Variants in SAMTOR observed in about 807,000 individuals in gnomAD.
The protein encoded by SAMTOR is UPF0532 protein C7orf60.
At chr7:112,826,114 G>A in the SAMTOR span, among the ~76,000 whole-genome samples, 11 of 152,034 alleles carry the variant, frequency 7.2e-5, no homozygotes, top group East Asian at 2.1e-3. Flanking sequence ...ATATTCATAA[G>A]GGATATGGAT....
the SAMTOR span, among the ~76,000 whole-genome samples, chr7:112,922,662 G>A: frequency 3.9e-5 from 6 of 151,962 alleles, no homozygotes; most frequent in Non-Finnish European, 7.4e-5. Flanking sequence ...CATCTGGGAG[G>A]TGAGGAGCGT....
the SAMTOR span, among the ~76,000 whole-genome samples, chr7:112,841,059 C>A: frequency 2.6e-5 from 4 of 151,960 alleles, no homozygotes; most frequent in African/African-American, 9.6e-5. Flanking sequence ...TCCTATTCAA[C>A]AAAGTACTGG....
At chr7:112,901,033 A>G in the SAMTOR span, among the ~76,000 whole-genome samples, 3 of 152,340 alleles carry the variant, frequency 2.0e-5, no homozygotes, top group East Asian at 3.9e-4. Flanking sequence ...GAAAAAATTG[A>G]TAAGCTGAAC....
chr7:112,902,966 T>A, the SAMTOR span, among the ~76,000 whole-genome samples: 3 of 152,206 alleles, frequency 2.0e-5, no homozygotes, highest in African/African-American at 7.2e-5. Flanking sequence ...TAATCACAAA[T>A]AAACTACACA....
the SAMTOR span, among the ~76,000 whole-genome samples, chr7:112,823,728 T>A: frequency 6.6e-6 from 1 of 152,212 alleles, no homozygotes; most frequent in African/African-American, 2.4e-5. Context: ...TAGGTTTAAT[T>A]TTTAAATAAC....
the SAMTOR span, among the ~76,000 whole-genome samples, chr7:112,907,838 C>T: frequency 9.5e-3 from 1,135 of 118,980 alleles, 14 homozygotes; most frequent in African/African-American, 0.032. Flanking sequence ...GGTATTCTTA[C>T]TTACTTATTT....
the SAMTOR span, among the ~76,000 whole-genome samples, chr7:112,855,860 CG>C: frequency 6.6e-6 from 1 of 151,688 alleles, no homozygotes; most frequent in African/African-American, 2.4e-5. Flanking sequence ...ATTTTGGAAG[CG>C]GGGGCATCTT....
the SAMTOR span, among the ~76,000 whole-genome samples, chr7:112,843,371 C>T: frequency 6.6e-6 from 1 of 151,988 alleles, no homozygotes; most frequent in African/African-American, 2.4e-5. Context: ...ATAATGACTA[C>T]CACAATTTCT....
the SAMTOR span, among the ~76,000 whole-genome samples, chr7:112,840,898 A>T: frequency 6.6e-6 from 1 of 151,664 alleles, no homozygotes. Flanking sequence ...CATGCTAAAA[A>T]CTCTCAATAA....
chr7:112,932,639 C>T, the SAMTOR span, among the ~76,000 whole-genome samples: 1 of 152,170 alleles, frequency 6.6e-6, no homozygotes, highest in Non-Finnish European at 1.5e-5. Context: ...ATAAAACAGA[C>T]AAATGAACTG....
chr7:112,882,556 G>A, the SAMTOR span, among the ~76,000 whole-genome samples: 1 of 151,914 alleles, frequency 6.6e-6, no homozygotes, highest in Non-Finnish European at 1.5e-5. Flanking sequence ...GGGTGTGGTG[G>A]CACGTGCCTG....
At chr7:112,863,558 A>G in the SAMTOR span, among the ~76,000 whole-genome samples, 2 of 152,248 alleles carry the variant, frequency 1.3e-5, no homozygotes, top group Admixed American at 6.5e-5. Flanking sequence ...AGTATCCAGC[A>G]TCTACAACGA....
At chr7:112,860,504 T>C in the SAMTOR span, among the ~76,000 whole-genome samples, 1 of 152,138 alleles carries the variant, frequency 6.6e-6, no homozygotes, top group Non-Finnish European at 1.5e-5. Context: ...CTTAGTTAAG[T>C]GCATACAGTG....
chr7:112,925,492 G>A, the SAMTOR span, among the ~76,000 whole-genome samples: 16 of 152,178 alleles, frequency 1.1e-4, no homozygotes, highest in African/African-American at 3.9e-4. Context: ...AAGACTTAGC[G>A]TCTAAAGAAT....
At chr7:112,883,836 GT>G in the SAMTOR span, among the ~76,000 whole-genome samples, 1 of 152,058 alleles carries the variant, frequency 6.6e-6, no homozygotes, top group Non-Finnish European at 1.5e-5. Flanking sequence ...GCTTTTCCTT[GT>G]TGTATTTTAT....
At chr7:112,863,034 T>C in the SAMTOR span, among the ~76,000 whole-genome samples, 1 of 151,980 alleles carries the variant, frequency 6.6e-6, no homozygotes, top group Admixed American at 6.6e-5. Context: ...CAAACTATAC[T>C]ACAGGGCTAC....
chr7:112,870,579 C>G, the SAMTOR span, among the ~76,000 whole-genome samples: 1 of 152,048 alleles, frequency 6.6e-6, no homozygotes. Context: ...TTCCCTACTA[C>G]AAAAGCATAC....
chr7:112,887,079 T>C, the SAMTOR span, among the ~76,000 whole-genome samples: 5 of 151,902 alleles, frequency 3.3e-5, no homozygotes, highest in Non-Finnish European at 7.4e-5. Flanking sequence ...GGCAGAAGAA[T>C]TGCTTGAACC....
At chr7:112,915,522 C>A in the SAMTOR span, 27 of 1,205,778 alleles carry the variant, frequency 2.2e-5, no homozygotes, top group South Asian at 6.0e-4. Context: ...TTAGCACAAT[C>A]TGAAATTATT....
Sources: gnomAD v4.1 joint callset for allele counts (sites outside exome capture counted in the v4.1 genomes callset) on GRCh38, gnomAD v4.1.1 for gene constraint, MANE v1.5 for transcripts, NCBI Gene and HGNC (gene_info 2026-07-23, HGNC 2026-07-21) for gene names.